JMJD1C: variants seen among roughly 807,000 people sequenced by gnomAD.
The protein encoded by JMJD1C is jumonji domain containing 1C.
In JMJD1C, 31 loss-of-function variants were observed where a neutral mutation model predicts 245.3. The observed-to-expected ratio is 0.13, with a 90% CI of 0.09 to 0.17. JMJD1C has a LOEUF of 0.17. JMJD1C is among the 10% of genes least tolerant of loss of function. The probability of loss-of-function intolerance (pLI) is 1.00; values close to 1 mark genes in which losing one functional copy is unlikely to be tolerated. For synonymous variants in JMJD1C, 1,057 were observed against 1,017.4 expected (o/e 1.04, Z -0.74); for missense variants, 2,691 against 3,000.2 (o/e 0.90, Z 2.41).
intron 1 of JMJD1C, among the ~76,000 whole-genome samples, chr10:63,412,969 A>G (rs1165391659): frequency 6.6e-6 from 1 of 152,216 alleles, no homozygotes; most frequent in African/African-American, 2.4e-5. Context: ...AGAATAGTGT[A>G]TACGAGGGAT....
chr10:63,299,043 T>C (rs1462697307), intron 2 of JMJD1C, among the ~76,000 whole-genome samples: 1 of 152,054 alleles, frequency 6.6e-6, no homozygotes, highest in African/African-American at 2.4e-5. Context: ...CATTCTAATC[T>C]TTAAAAAACA....
Position 63,214,379 on chromosome 10 carries a change from A to G in JMJD1C, c.1788T>C (p.Tyr596=). 2 of 1,614,014 alleles carry G rather than the reference A, an allele frequency of 1.2e-6. No homozygotes were observed. Residue 596 remains tyrosine (Y), a synonymous_variant, in exon 8 of 26, where the codon TAT becomes TAC. Transcript: ENST00000399262. ...NDHLNMEKEK[Y]VSYISPLSAV... is the part of the protein sequence containing the mutation. The stretch of plus-strand genomic sequence containing the variant: ...CACTTAAAGGAGAAATGTAAGAGAC[A>G]TACTTCTCTTTTTCCATGTTCAAGT...
At chr10:63,312,675 C>A (rs1198677866) in intron 2 of JMJD1C, among the ~76,000 whole-genome samples, 2 of 152,064 alleles carry the variant, frequency 1.3e-5, no homozygotes, top group East Asian at 3.9e-4. Flanking sequence ...TTTCCAAATG[C>A]CTTGTACTAT....
intron 1 of JMJD1C, among the ~76,000 whole-genome samples, chr10:63,460,553 G>A (rs994378898): frequency 6.6e-6 from 1 of 151,980 alleles, no homozygotes; most frequent in Non-Finnish European, 1.5e-5. Flanking sequence ...ACTTGAGATG[G>A]TTAGTATGAA....
At chr10:63,387,631 T>TTTA in intron 1 of JMJD1C, among the ~76,000 whole-genome samples, 1 of 99,488 alleles carries the variant, frequency 1.0e-5, no homozygotes, top group South Asian at 3.5e-4. Context: ...AAAAAAAAAT[T>TTTA]TTTTTTTTTT....
upstream of JMJD1C, chr10:63,466,139 AGGCGGC>A (rs3841602): frequency 1.7e-4 from 30 of 177,040 alleles, no homozygotes; most frequent in South Asian, 6.6e-4. Flanking sequence ...CCAGATCCAG[AGGCGGC>A]GGCGGCGGCG....
chr10:63,487,680 T>C (rs1954042044), intron 1 of JMJD1C, among the ~76,000 whole-genome samples: 1 of 152,126 alleles, frequency 6.6e-6, no homozygotes, highest in Non-Finnish European at 1.5e-5. Context: ...AAAGATTTAG[T>C]ATGTGAGAGG....
At chr10:63,182,068 A>G (rs1343592343) in intron 22 of JMJD1C, among the ~76,000 whole-genome samples, 1 of 152,250 alleles carries the variant, frequency 6.6e-6, no homozygotes, top group Non-Finnish European at 1.5e-5. Context: ...TCAAATGTAC[A>G]CAAAAGTAGA....
chr10:63,194,483 A>G (rs1845216775), intron 13 of JMJD1C, 108 bp from the exon 14 acceptor site: 1 of 680,050 alleles, frequency 1.5e-6, no homozygotes, highest in African/African-American at 1.8e-5. Context: ...GGCTAGAGTC[A>G]CAGCCAAAGA....
At chr10:63,363,663 T>C (rs1181329392) in intron 2 of JMJD1C, among the ~76,000 whole-genome samples, 1 of 152,066 alleles carries the variant, frequency 6.6e-6, no homozygotes, top group Non-Finnish European at 1.5e-5. Context: ...TCTGCTAGCA[T>C]TCCCCTCTGA....
chr10:63,270,990 A>G (rs913326449), intron 2 of JMJD1C, among the ~76,000 whole-genome samples: 1 of 152,194 alleles, frequency 6.6e-6, no homozygotes, highest in African/African-American at 2.4e-5. Context: ...AAAGCTGGCC[A>G]TATACTTAAG....
chr10:63,284,906 C>T (rs1857815833), intron 2 of JMJD1C, among the ~76,000 whole-genome samples: 2 of 105,212 alleles, frequency 1.9e-5, no homozygotes, highest in South Asian at 3.2e-4. Context: ...CACACACACA[C>T]ATTCTCTCTA....
At chr10:63,326,413 T>C (rs968422620) in intron 2 of JMJD1C, among the ~76,000 whole-genome samples, 10 of 150,034 alleles carry the variant, frequency 6.7e-5, no homozygotes, top group Non-Finnish European at 1.2e-4. Flanking sequence ...AATAAATAAA[T>C]AAATAAATAA....
intron 1 of JMJD1C, among the ~76,000 whole-genome samples, chr10:63,402,153 C>CA (rs1948904212): frequency 3.5e-5 from 5 of 140,942 alleles, no homozygotes; most frequent in African/African-American, 1.0e-4. Context: ...GAAAAAAAAA[C>CA]AAAAAAAGTG....
intron 14 of JMJD1C, among the ~76,000 whole-genome samples, chr10:63,193,887 C>T (rs867682523): frequency 6.6e-6 from 1 of 152,272 alleles, no homozygotes; most frequent in South Asian, 2.1e-4. Flanking sequence ...AGGATGGTCT[C>T]GATCTCCTGA....
At chr10:63,516,518 T>C (rs1781011335) in intron 1 of JMJD1C, among the ~76,000 whole-genome samples, 1 of 152,242 alleles carries the variant, frequency 6.6e-6, no homozygotes, top group African/African-American at 2.4e-5. Flanking sequence ...TGATTTAATC[T>C]ATTCTATTTT....
intron 2 of JMJD1C, 140 bp downstream of exon 2, chr10:63,380,178 A>C (rs775571011): frequency 2.7e-6 from 2 of 754,164 alleles, no homozygotes; most frequent in African/African-American, 3.5e-5. Flanking sequence ...TCCTGGCTTC[A>C]AGCAATTGTC....
At chr10:63,521,514 GC>G in intron 1 of JMJD1C, 2 of 1,389,412 alleles carry the variant, frequency 1.4e-6, no homozygotes, top group Non-Finnish European at 9.5e-7. Flanking sequence ...GCGCCCACCC[GC>G]CCCGGACGTG....
chr10:63,411,213 T>C (rs1378653464), intron 1 of JMJD1C, among the ~76,000 whole-genome samples: 1 of 151,952 alleles, frequency 6.6e-6, no homozygotes, highest in Admixed American at 6.6e-5. Flanking sequence ...AGGGGCGGTA[T>C]AGACTGGGTA....
Sources: allele counts gnomAD v4.1 joint callset (sites outside exome capture counted in the v4.1 genomes callset), GRCh38; gene constraint gnomAD v4.1.1; transcripts MANE v1.5; gene names NCBI Gene and HGNC (gene_info 2026-07-23, HGNC 2026-07-21).